The following KLB variants were observed in gnomAD, a reference collection of about 807,000 sequenced individuals.
KLB encodes the protein klotho beta, also known as beta-klotho.
In KLB, 44 loss-of-function variants were observed where a neutral mutation model predicts 88.4. That is an observed-to-expected ratio of 0.50 (90% CI 0.39 to 0.64). KLB has a LOEUF of 0.64. KLB is among the 30% of genes least tolerant of loss of function. KLB has a pLI of 0.00. For synonymous variants in KLB, 548 were observed against 513.4 expected, an observed-to-expected ratio of 1.07 and a Z score of -0.91; for missense variants, 1,137 against 1,304.8, an observed-to-expected ratio of 0.87 and a Z score of 1.98.
intron 1 of KLB, among the ~76,000 whole-genome samples, chr4:39,424,954 T>C (rs1224011502): frequency 1.3e-5 from 2 of 152,088 alleles, no homozygotes; most frequent in Non-Finnish European, 2.9e-5. Context: ...ATGTTGACTA[T>C]CTGTATTCCC....
intron 1 of KLB, among the ~76,000 whole-genome samples, chr4:39,432,881 A>ATT (rs769537512): frequency 9.8e-5 from 14 of 143,010 alleles, no homozygotes; most frequent in African/African-American, 2.0e-4. Context: ...CTTATAGGGG[A>ATT]TTTTTTTTTT....
At chr4:39,427,700 T>C (rs1227315805) in intron 1 of KLB, among the ~76,000 whole-genome samples, 1 of 152,186 alleles carries the variant, frequency 6.6e-6, no homozygotes, top group African/African-American at 2.4e-5. Flanking sequence ...CAGTCTCCAT[T>C]ACGATTTTCT....
chr4:39,443,739 C>T (rs1186841094), intron 3 of KLB, among the ~76,000 whole-genome samples: 2 of 118,356 alleles, frequency 1.7e-5, no homozygotes, highest in African/African-American at 6.6e-5. Context: ...CCAGCCTGGG[C>T]AACACAGTGA....
chr4:39,434,542 T>G lies in KLB; in HGVS notation c.1158T>G (p.Ala386=). 6.2e-7 allele frequency: 1 copy of G among 1,614,172 alleles called. No homozygotes were observed. The highest frequency in any genetic ancestry group is 8.5e-7 in the Non-Finnish European group (1 of 1,180,038). Residue 386 remains alanine, a synonymous_variant, in exon 2 of 5, where the codon GCT becomes GCG. Coordinates refer to ENST00000257408, the MANE Select transcript of KLB (RefSeq NM_175737.4). ...ACTTCAAGCCCCTAAACACCATGGCTAAAATGGGACAAAATGTTTCACTTA... is the reference window on the plus strand; with the variant it reads ...ACTTCAAGCCCCTAAACACCATGGCGAAAATGGGACAAAATGTTTCACTTA... The part of the protein sequence containing the change: ...PNNFKPLNTM[A]KMGQNVSLNL...
At chr4:39,425,888 C>T (rs553080710) in intron 1 of KLB, among the ~76,000 whole-genome samples, 2 of 152,102 alleles carry the variant, frequency 1.3e-5, no homozygotes, top group Admixed American at 6.5e-5. Flanking sequence ...GAGGCTGAGG[C>T]GGGCGGATTA....
At position 39,448,479 on chromosome 4, in the gene KLB, C is replaced by G; in HGVS notation, c.2928C>G (p.Cys976Trp). Residue 976 changes from cysteine to tryptophan, a missense_variant, in exon 5 of 5, where the codon TGC (cysteine) becomes TGG (tryptophan). Cys to Trp is a radical substitution (Grantham distance 215, BLOSUM62 -2). Transcript: ENST00000257408. The stretch of plus-strand genomic sequence containing the variant: ...CTTTTGAGAACAGTAGTTCTAGATG[C>G]AGTCAGACCCAAGAAAATACAGAGT... ...GFPFENSSSRCSQTQENTECT... is the reference protein window; with the variant it reads ...GFPFENSSSRWSQTQENTECT... 6.2e-7 allele frequency: 1 copy of G among 1,613,972 alleles called. No individual in the cohort carries two copies. The highest frequency in any genetic ancestry group is 2.2e-5 in the East Asian group (1 of 44,874).
chr4:39,424,724 C>T (rs938386142), intron 1 of KLB, among the ~76,000 whole-genome samples: 21 of 141,046 alleles, frequency 1.5e-4, no homozygotes, highest in African/African-American at 4.7e-4. Context: ...CTTTGCATCC[C>T]GGGTTCAAGC....
rs558735488 is a variant in KLB at position 39,438,061 on chromosome 4, A to G, written c.1605+66A>G. The G allele has an allele frequency of 4.2e-5, 60 of 1,441,500 alleles. No homozygotes were observed. In the Admixed American group the frequency reaches 1.0e-3, roughly 24 times the overall value. 89.3% of individuals were successfully genotyped at this position (1,441,500 alleles called of 1,614,324 possible). A position where few individuals can be genotyped will look rare whatever the true frequency, so the allele number is the denominator to read the frequency against. On this transcript the variant is annotated intron_variant, in intron 3 of 4. Transcript: ENST00000257408. ...CAGTACACACTATTTCATTTACTCA[A>G]TGACAGCTAAGAGATAGCTGTCAGA...
rs1201071304 is a variant in KLB at position 39,447,000 on chromosome 4, G to C, written c.2274G>C (p.Trp758Cys). The C allele has an allele frequency of 6.2e-7, 1 of 1,610,078 alleles. No individual in the cohort carries two copies. Among genetic ancestry groups the C allele is most frequent in the South Asian group, 1.1e-5 (1 of 91,078 alleles). Reference protein sequence around the residue: ...EPANPYADSHWRAAERFLQFE... With the variant: ...EPANPYADSHCRAAERFLQFE... ...CCAACCCCTATGCTGACTCGCACTG[G>C]AGGGCGGCCGAGCGCTTCCTGCAGT... Residue 758 changes from tryptophan (W) to cysteine (C), a missense_variant, in exon 4 of 5, where the codon TGG becomes TGC. Physicochemically the swap from Trp to Cys is radical, Grantham distance 215. Around this residue, in one of 4 missense-constraint regions of KLB, gnomAD observed 426 missense variants for 404.6 expected, o/e 1.05. Coordinates refer to ENST00000257408, the MANE Select transcript of KLB (RefSeq NM_175737.4). This position sits in a 1 kb window ranked among gnomAD's most constrained non-coding sequence, Gnocchi z 6.4.
At chr4:39,415,584 G>A (rs974110238) in intron 1 of KLB, among the ~76,000 whole-genome samples, 2 of 152,036 alleles carry the variant, frequency 1.3e-5, no homozygotes, top group African/African-American at 2.4e-5. Context: ...TAAATAATGT[G>A]CATTATTTAT....
intron 4 of KLB, 51 bp downstream of exon 4, chr4:39,447,526 T>C: frequency 3.5e-6 from 5 of 1,429,670 alleles, no homozygotes; most frequent in Non-Finnish European, 2.8e-6. Context: ...TCCTGTTACC[T>C]GACAAGAACA....
Position 39,407,288 on chromosome 4 carries a change from C to T in KLB, c.339C>T (p.Phe113=), listed in dbSNP as rs775807274. ...DGKGPSIWDH[F]IHTHLKNVSS... ...AAGGACCTTCTATATGGGATCATTT[C>T]ATCCACACACACCTTAAAAATGTCA... The change falls in exon 1 of 5, where the codon TTC becomes TTT. Residue 113 remains phenylalanine, a synonymous_variant. Transcript: ENST00000257408. 1 of 1,614,070 alleles carries T rather than the reference C, an allele frequency of 6.2e-7. No homozygotes were observed. The highest frequency in any genetic ancestry group is 8.5e-7 in the Non-Finnish European group (1 of 1,179,924).
In KLB at chr4:39,407,430, G is replaced by A. The variant is rs781587328; in HGVS notation, c.481G>A (p.Asp161Asn). ...AATTTCCTGGCCAAGGCTTTTCCCC[G>A]ATGGAATAGTAACAGTTGCCAACGC... The part of the protein sequence containing the change: ...FSISWPRLFP[D>N]GIVTVANAKG... The change falls in exon 1 of 5, where the codon GAT (aspartate) becomes AAT (asparagine). Residue 161 changes from aspartate (D) to asparagine (N), a missense_variant. This residue lies in a region of KLB where 597 missense variants were observed against 765.2 expected (regional missense o/e 0.78). Coordinates refer to ENST00000257408, the MANE Select transcript of KLB (RefSeq NM_175737.4). 17 of 1,614,034 alleles carry A rather than the reference G, an allele frequency of 1.1e-5. No homozygotes were observed. Among genetic ancestry groups the A allele is most frequent in the East Asian group, 4.5e-5 (2 of 44,888 alleles).
At chr4:39,412,624 A>T (rs1378174665) in intron 1 of KLB, among the ~76,000 whole-genome samples, 1 of 152,134 alleles carries the variant, frequency 6.6e-6, no homozygotes, top group Non-Finnish European at 1.5e-5. Context: ...ACTGCCTCCA[A>T]GTCATTCTTG....
chr4:39,439,664 CT>C (rs56870853), intron 3 of KLB, among the ~76,000 whole-genome samples: 146 of 135,744 alleles, frequency 1.1e-3, no homozygotes, highest in South Asian at 2.9e-3. Context: ...GCAAATTTTT[CT>C]TTTTTTTTTT....
At position 39,446,905 on chromosome 4, in the gene KLB, G is replaced by A; in HGVS notation, c.2179G>A (p.Asp727Asn). The A allele has an allele frequency of 1.2e-6, 2 of 1,606,410 alleles. No individual in the cohort carries two copies. The highest frequency in any genetic ancestry group is 8.5e-7 in the Non-Finnish European group (1 of 1,179,294). ...CCACGCCCTGGCCTGGCGCCTCTACGACCGGCAGTTCAGGCCCTCACAGCG... is the reference window on the plus strand; with the variant it reads ...CCACGCCCTGGCCTGGCGCCTCTACAACCGGCAGTTCAGGCCCTCACAGCG... Reference protein sequence around the residue: ...VAHALAWRLYDRQFRPSQRGA... With the variant: ...VAHALAWRLYNRQFRPSQRGA... Residue 727 changes from aspartate to asparagine, a missense_variant, in exon 4 of 5, where the codon GAC (aspartate) becomes AAC (asparagine). Coordinates refer to ENST00000257408, the MANE Select transcript of KLB (RefSeq NM_175737.4). This position sits in a 1 kb window ranked among gnomAD's most constrained non-coding sequence, Gnocchi z 6.4.
rs1177578142 is a variant in KLB at position 39,450,643 on chromosome 4, CCTCT to C, written c.*1958_*1961del. The stretch of plus-strand genomic sequence containing the variant: ...GGAATTTTTTTAGTATTAACATCTC[CCTCT>C]GAGAACTATGTACCTAAGGTCACGC... On this transcript the variant is annotated 3_prime_UTR_variant, in exon 5 of 5. Transcript: ENST00000257408. 2.6e-5 allele frequency: 4 copies of C among 152,078 alleles called. No individual in the cohort carries two copies. The highest frequency in any genetic ancestry group is 9.7e-5 in the African/African-American group (4 of 41,396). 9.4% of individuals were successfully genotyped at this position (152,078 alleles called of 1,614,324 possible). A position where few individuals can be genotyped will look rare whatever the true frequency, so the allele number is the denominator to read the frequency against.
intron 3 of KLB, among the ~76,000 whole-genome samples, chr4:39,445,681 T>TTTG (rs912334376): frequency 5.6e-5 from 5 of 88,530 alleles, no homozygotes; most frequent in South Asian, 5.1e-4. Context: ...ATCTTGTTTT[T>TTTG]TTGTTTTTTT....
chr4:39,422,592 G>A (rs970974514), intron 1 of KLB, among the ~76,000 whole-genome samples: 55 of 152,176 alleles, frequency 3.6e-4, no homozygotes, highest in Non-Finnish European at 4.4e-4. Context: ...ATATGTGTTA[G>A]CTCTTATTAA....
Sources: allele counts gnomAD v4.1 joint callset (sites outside exome capture counted in the v4.1 genomes callset), GRCh38; gene constraint gnomAD v4.1.1; regional missense constraint gnomAD v4.1.1; non-coding constraint Gnocchi (gnomAD v3.1); transcripts MANE v1.5; gene names NCBI Gene and HGNC (gene_info 2026-07-23, HGNC 2026-07-21).